MICU1: variants seen among roughly 807,000 people sequenced by gnomAD.
The protein encoded by MICU1 is mitochondrial calcium uptake 1, also known as calcium uptake protein 1, mitochondrial.
MICU1 carries 45 observed loss-of-function variants against 56.8 expected under a neutral mutation model. That is an observed-to-expected ratio of 0.79 (90% confidence interval 0.62 to 1.02). MICU1 has a LOEUF of 1.02. MICU1 is among the 50% of genes least tolerant of loss of function. The pLI is 0.00. For missense variants in MICU1, 504 were observed against 587.1 expected (o/e 0.86, Z 1.46); for synonymous variants, 186 against 195.1 (o/e 0.95, Z 0.39).
chr10:72,560,785 G>T (rs926543062), intron 3 of MICU1, among the ~76,000 whole-genome samples: 1 of 152,080 alleles, frequency 6.6e-6, no homozygotes, highest in Non-Finnish European at 1.5e-5. Flanking sequence ...CATGAGAATC[G>T]TTTGAATCCA....
chr10:72,571,422 C>T (rs751657366), intron 1 of MICU1, among the ~76,000 whole-genome samples: 2 of 152,154 alleles, frequency 1.3e-5, no homozygotes, highest in Non-Finnish European at 1.5e-5. Flanking sequence ...AAATTTACAA[C>T]ATCTGATCAG....
chr10:72,600,308 A>G (rs1248565920), intron 1 of MICU1, among the ~76,000 whole-genome samples: 1 of 145,848 alleles, frequency 6.9e-6, no homozygotes, highest in Admixed American at 6.8e-5. Flanking sequence ...AAAAAAAAAA[A>G]AGATCTACAA....
intron 10 of MICU1, among the ~76,000 whole-genome samples, chr10:72,379,984 C>G (rs1331531828): frequency 6.6e-6 from 1 of 152,156 alleles, no homozygotes; most frequent in Non-Finnish European, 1.5e-5. Flanking sequence ...AAACTAGGAG[C>G]ACCTGGGATG....
chr10:72,464,820 T>A (rs1374078934), intron 8 of MICU1, among the ~76,000 whole-genome samples: 1 of 152,200 alleles, frequency 6.6e-6, no homozygotes, highest in Non-Finnish European at 1.5e-5. Context: ...AGAAATTAAA[T>A]CAGAGTTTGG....
intron 1 of MICU1, among the ~76,000 whole-genome samples, chr10:72,572,039 G>T (rs1840624901): frequency 6.7e-6 from 1 of 150,026 alleles, no homozygotes; most frequent in South Asian, 2.1e-4. Context: ...ACACTAAGTA[G>T]TATGGCAGAA....
intron 5 of MICU1, chr10:72,528,905 T>C (rs1839397941): frequency 6.4e-6 from 1 of 155,554 alleles, no homozygotes; most frequent in Non-Finnish European, 1.4e-5. Flanking sequence ...ATTTTAAAGT[T>C]AATTTGTTAA....
intron 6 of MICU1, among the ~76,000 whole-genome samples, chr10:72,480,656 C>T (rs987163975): frequency 2.0e-5 from 3 of 152,198 alleles, no homozygotes; most frequent in East Asian, 3.8e-4. Flanking sequence ...AATAGGAAAA[C>T]ATTTGATAAG....
intron 1 of MICU1, among the ~76,000 whole-genome samples, chr10:72,608,432 G>A (rs1841751721): frequency 6.6e-6 from 1 of 152,080 alleles, no homozygotes; most frequent in Non-Finnish European, 1.5e-5. Context: ...AATGAGGAAA[G>A]GACTTGAATA....
At chr10:72,418,397 C>A (rs541248363) in intron 9 of MICU1, among the ~76,000 whole-genome samples, 14 of 152,268 alleles carry the variant, frequency 9.2e-5, no homozygotes, top group Admixed American at 2.6e-4. Flanking sequence ...TAGAGAAGCA[C>A]TGCTTTACAG....
chr10:72,454,242 G>A (rs1026280019), intron 8 of MICU1, among the ~76,000 whole-genome samples: 2 of 151,842 alleles, frequency 1.3e-5, no homozygotes, highest in Admixed American at 6.6e-5. Flanking sequence ...ATCACCTGAG[G>A]TCAGGAGTTC....
intron 1 of MICU1, among the ~76,000 whole-genome samples, chr10:72,610,234 A>G (rs1367644256): frequency 1.4e-5 from 2 of 147,938 alleles, no homozygotes; most frequent in African/African-American, 5.0e-5. Flanking sequence ...GTACTCCAGC[A>G]TAAGTGACAG....
rs1016808405 is a variant in MICU1 at position 72,477,073 on chromosome 10, T to C, written c.735+101A>G. 3 of 755,938 alleles carry C rather than the reference T, an allele frequency of 4.0e-6. No homozygotes were observed. The East Asian group carries it at 9.2e-5, about 23-fold the overall frequency. 46.8% of individuals were successfully genotyped at this position (755,938 alleles called of 1,614,324 possible). On this transcript the variant is annotated intron_variant, in intron 7 of 11. Transcript: ENST00000361114. ...ATTTTAGGTACTTCAAAAATTGGAA[T>C]AGCCTCTGAGTATACTGACCAAGGC... is the stretch of plus-strand genomic sequence containing the variant.
At chr10:72,569,229 A>ATTTTTTTTTTTTTTT (rs1246062078) in intron 1 of MICU1, among the ~76,000 whole-genome samples, 1 of 37,734 alleles carries the variant, frequency 2.7e-5, no homozygotes, top group Non-Finnish European at 5.9e-5. Context: ...ATATATATAT[A>ATTTTTTTTTTTTTTT]TATATATATT....
intron 6 of MICU1, among the ~76,000 whole-genome samples, chr10:72,490,381 T>C (rs956453070): frequency 1.2e-4 from 18 of 152,256 alleles, no homozygotes; most frequent in African/African-American, 4.3e-4. Context: ...AAGAAAAATA[T>C]CTGGAAGGAA....
chr10:72,608,930 C>G (rs1319342474), intron 1 of MICU1, among the ~76,000 whole-genome samples: 1 of 152,182 alleles, frequency 6.6e-6, no homozygotes, highest in Non-Finnish European at 1.5e-5. Context: ...TGAAGCAGCC[C>G]TAGAGTTGCT....
intron 4 of MICU1, among the ~76,000 whole-genome samples, chr10:72,540,755 T>C (rs1031111196): frequency 1.3e-5 from 2 of 152,236 alleles, no homozygotes; most frequent in African/African-American, 4.8e-5. Flanking sequence ...CTGACCTCTA[T>C]GGAAAAGCCA....
In MICU1 at chr10:72,566,732, T is replaced by A. The variant is rs779404214; in HGVS notation, c.62A>T (p.His21Leu). The change falls in exon 2 of 12, where the codon CAT becomes CTT. Residue 21 changes from histidine to leucine, a missense_variant. Coordinates refer to ENST00000361114, the MANE Select transcript of MICU1 (RefSeq NM_001195518.2). ...AELAVGSRWYHGGSQPIQIRR... is the reference protein window; with the variant it reads ...AELAVGSRWYLGGSQPIQIRR... ...GATCTGGATGGGCTGTGATCCTCCA[T>A]GGTACCATCGAGAACCCACAGCCAG... The A allele has an allele frequency of 1.1e-5, 18 of 1,612,846 alleles. No homozygotes were observed. The highest frequency in any genetic ancestry group is 1.5e-5 in the Non-Finnish European group (18 of 1,179,456).
intron 10 of MICU1, among the ~76,000 whole-genome samples, chr10:72,376,957 C>T (rs1862542138): frequency 6.6e-6 from 1 of 151,958 alleles, no homozygotes; most frequent in African/African-American, 2.4e-5. Flanking sequence ...TGTGAGTACA[C>T]TAAGGCTTCA....
intron 5 of MICU1, among the ~76,000 whole-genome samples, chr10:72,524,551 T>G (rs1867912618): frequency 6.6e-6 from 1 of 152,218 alleles, no homozygotes; most frequent in Admixed American, 6.5e-5. Flanking sequence ...TCTCTGGGAC[T>G]TGTGCAGTGC....
Sources: allele counts gnomAD v4.1 joint callset (sites outside exome capture counted in the v4.1 genomes callset), GRCh38; gene constraint gnomAD v4.1.1; transcripts MANE v1.5; gene names NCBI Gene and HGNC (gene_info 2026-07-23, HGNC 2026-07-21).